PIBF1: variants seen among roughly 807,000 people sequenced by gnomAD.
PIBF1 encodes progesterone-induced-blocking factor 1.
Under a neutral mutation model 112.5 loss-of-function variants are expected in PIBF1, and 90 were observed. The ratio of observed to expected loss-of-function variants is 0.80; its 90% confidence interval spans 0.67 to 0.95. PIBF1 has a LOEUF of 0.95. PIBF1 is among the 40% of genes least tolerant of loss of function. PIBF1 has a pLI of 0.00. For missense variants in PIBF1, 915 were observed against 852.3 expected, an observed-to-expected ratio of 1.07 and a Z score of -0.92; for synonymous variants, 301 against 288.6, an observed-to-expected ratio of 1.04 and a Z score of -0.44.
chr13:73,015,775 A>AT, intron 17 of PIBF1, 94 bp from the exon 18 acceptor site: 1 of 536,820 alleles, frequency 1.9e-6, no homozygotes, highest in Non-Finnish European at 3.0e-6. Flanking sequence ...TATAGCTTAC[A>AT]TAAAAAAACC....
chr13:72,818,030 A>G (rs1033501054), intron 5 of PIBF1, among the ~76,000 whole-genome samples: 1 of 151,546 alleles, frequency 6.6e-6, no homozygotes, highest in Non-Finnish European at 1.5e-5. Flanking sequence ...TTATACTTGC[A>G]TATGGTGTTT....
At chr13:72,784,855 CAT>C (rs2034510384) in intron 2 of PIBF1, among the ~76,000 whole-genome samples, 1 of 152,078 alleles carries the variant, frequency 6.6e-6, no homozygotes, top group Non-Finnish European at 1.5e-5. Flanking sequence ...AAAAATCTAA[CAT>C]ATGAGGTATT....
intron 11 of PIBF1, among the ~76,000 whole-genome samples, chr13:72,897,713 CAA>C (rs1234536306): frequency 6.6e-6 from 1 of 152,124 alleles, no homozygotes; most frequent in African/African-American, 2.4e-5. Context: ...TTAAAAGAGA[CAA>C]AGAGGGACAT....
intron 9 of PIBF1, among the ~76,000 whole-genome samples, chr13:72,848,620 C>T (rs1454671361): frequency 3.3e-5 from 5 of 151,964 alleles, no homozygotes; most frequent in Non-Finnish European, 5.9e-5. Context: ...CCGAGGCGGG[C>T]GGATCACGAG....
intron 11 of PIBF1, 121 bp downstream of exon 11, chr13:72,894,070 A>AG: frequency 2.2e-6 from 1 of 460,788 alleles, no homozygotes; most frequent in Non-Finnish European, 3.7e-6. Flanking sequence ...AAAAAAAAAA[A>AG]AAAAAAAAAC....
intron 16 of PIBF1, among the ~76,000 whole-genome samples, chr13:72,980,155 A>G (rs2043121528): frequency 6.6e-6 from 1 of 152,188 alleles, no homozygotes; most frequent in Non-Finnish European, 1.5e-5. Context: ...CTTGTGCCCA[A>G]GAAAGAGAAT....
At chr13:72,908,877 C>G (rs1471178793) in intron 12 of PIBF1, among the ~76,000 whole-genome samples, 196 bp downstream of exon 12, 1 of 151,660 alleles carries the variant, frequency 6.6e-6, no homozygotes, top group Non-Finnish European at 1.5e-5. Flanking sequence ...GACAAAACCC[C>G]ATCTCTACTA....
intron 1 of PIBF1, among the ~76,000 whole-genome samples, chr13:72,783,212 GT>G (rs1319421065): frequency 6.6e-6 from 1 of 151,798 alleles, no homozygotes; most frequent in Non-Finnish European, 1.5e-5. Context: ...CGCAGGAACT[GT>G]TTTTTTAAGT....
chr13:72,795,241 A>C (rs1175525523), intron 3 of PIBF1, 118 bp from the exon 4 acceptor site: 2 of 674,354 alleles, frequency 3.0e-6, no homozygotes, highest in Admixed American at 6.4e-5. Context: ...TGGAGTAAGT[A>C]AATAATACTG....
chr13:72,844,766 C>T (rs1192681783), intron 9 of PIBF1, among the ~76,000 whole-genome samples: 4 of 104,538 alleles, frequency 3.8e-5, no homozygotes, highest in Non-Finnish European at 6.4e-5. Flanking sequence ...CACACACACA[C>T]ACACACACAC....
intron 10 of PIBF1, among the ~76,000 whole-genome samples, chr13:72,863,657 CA>C (rs529449867): frequency 5.3e-3 from 286 of 54,408 alleles, no homozygotes; most frequent in Middle Eastern, 0.01. Context: ...GACTCCGTCT[CA>C]AAAAAAAAAA....
intron 9 of PIBF1, among the ~76,000 whole-genome samples, chr13:72,843,417 T>G (rs1330796736): frequency 6.6e-6 from 1 of 152,196 alleles, no homozygotes; most frequent in Non-Finnish European, 1.5e-5. Flanking sequence ...AGCTCCAGAA[T>G]GCAGACTTTT....
intron 14 of PIBF1, among the ~76,000 whole-genome samples, chr13:72,934,300 ATTAT>A (rs1279698479): frequency 6.6e-6 from 1 of 151,978 alleles, no homozygotes; most frequent in Non-Finnish European, 1.5e-5. Context: ...ATTTTATTTT[ATTAT>A]TTATTTATTT....
chr13:72,936,915 A>G (rs1206703291), intron 14 of PIBF1, among the ~76,000 whole-genome samples: 1 of 152,170 alleles, frequency 6.6e-6, no homozygotes, highest in Non-Finnish European at 1.5e-5. Context: ...CCATGAACAT[A>G]CTGTATCTTT....
intron 5 of PIBF1, among the ~76,000 whole-genome samples, chr13:72,820,643 G>A (rs1353651030): frequency 6.6e-6 from 1 of 151,366 alleles, no homozygotes; most frequent in Non-Finnish European, 1.5e-5. Context: ...ACTCATCTTT[G>A]TATCTGTAGT....
At chr13:72,906,045 A>T (rs2040692450) in intron 11 of PIBF1, among the ~76,000 whole-genome samples, 1 of 152,176 alleles carries the variant, frequency 6.6e-6, no homozygotes, top group South Asian at 2.1e-4. Context: ...TTTGATTAAG[A>T]ATAATGTAGT....
chr13:72,961,941 C>A (rs944507805), intron 14 of PIBF1, among the ~76,000 whole-genome samples: 2 of 151,912 alleles, frequency 1.3e-5, no homozygotes, highest in Non-Finnish European at 2.9e-5. Context: ...AATAGTCATA[C>A]CCCTTAGCCT....
intron 16 of PIBF1, among the ~76,000 whole-genome samples, chr13:72,974,589 G>A (rs1381060052): frequency 1.3e-5 from 2 of 152,176 alleles, no homozygotes; most frequent in East Asian, 1.9e-4. Flanking sequence ...AAAGTGCTGG[G>A]ATTACAGGTG....
At chr13:72,851,103 C>T (rs1393071769) in intron 9 of PIBF1, among the ~76,000 whole-genome samples, 2 of 152,150 alleles carry the variant, frequency 1.3e-5, no homozygotes. Flanking sequence ...GTAAAGATGC[C>T]AGCTGCAGTG....
Sources: gnomAD v4.1 joint callset for allele counts (sites outside exome capture counted in the v4.1 genomes callset) on GRCh38, gnomAD v4.1.1 for gene constraint, MANE v1.5 for transcripts, NCBI Gene and HGNC (gene_info 2026-07-23, HGNC 2026-07-21) for gene names.